SNTG1: variants seen among roughly 807,000 people sequenced by gnomAD.
SNTG1 encodes the protein gamma-1-syntrophin.
A neutral mutation model predicts 74.7 loss-of-function variants in SNTG1; 39 were observed. The observed-to-expected ratio is 0.52, with a 90% CI of 0.40 to 0.68. The LOEUF (loss-of-function observed/expected upper bound fraction) is 0.68. Ranked by LOEUF, SNTG1 falls within the 30% of genes least tolerant of loss-of-function variation. SNTG1 has a pLI of 0.00. For synonymous variants in SNTG1, 254 were observed against 217.1 expected, an observed-to-expected ratio of 1.17 and a Z score of -1.49; for missense variants, 685 against 609.5, an observed-to-expected ratio of 1.12 and a Z score of -1.30.
intron 2 of SNTG1, among the ~76,000 whole-genome samples, chr8:50,290,243 A>G (rs1163276467): frequency 6.6e-6 from 1 of 152,152 alleles, no homozygotes; most frequent in Non-Finnish European, 1.5e-5. Context: ...AGTTAATGTA[A>G]AAAACAAGCC....
At chr8:50,338,218 A>G (rs1412986273) in intron 2 of SNTG1, among the ~76,000 whole-genome samples, 1 of 152,172 alleles carries the variant, frequency 6.6e-6, no homozygotes, top group Non-Finnish European at 1.5e-5. Context: ...AAAGGGAGAC[A>G]AAAACAAGGA....
intron 1 of SNTG1, chr8:50,163,416 T>A (rs1251120337): frequency 1.4e-5 from 2 of 139,622 alleles, no homozygotes; most frequent in Non-Finnish European, 3.1e-5. Flanking sequence ...TAATTCCAAG[T>A]TTTTTTTTTT....
chr8:50,239,878 G>A (rs1031438836), intron 2 of SNTG1, among the ~76,000 whole-genome samples: 11 of 152,026 alleles, frequency 7.2e-5, no homozygotes, highest in African/African-American at 1.9e-4. Flanking sequence ...TCCAGACCTC[G>A]GTCTCAATTT....
chr8:50,473,282 G>A (rs575831103), intron 8 of SNTG1, among the ~76,000 whole-genome samples: 1 of 152,240 alleles, frequency 6.6e-6, no homozygotes, highest in Admixed American at 6.5e-5. Context: ...AAGATGCCTT[G>A]CTTCCCCTTC....
intron 1 of SNTG1, among the ~76,000 whole-genome samples, chr8:50,153,518 C>G (rs2082145929): frequency 6.6e-6 from 1 of 152,126 alleles, no homozygotes; most frequent in South Asian, 2.1e-4. Context: ...CTGTTTTTTC[C>G]CCATCTTTGT....
At chr8:50,308,079 G>A (rs1226107090) in intron 2 of SNTG1, among the ~76,000 whole-genome samples, 1 of 151,768 alleles carries the variant, frequency 6.6e-6, no homozygotes, top group Non-Finnish European at 1.5e-5. Context: ...ACTCACTCCA[G>A]TGATGCTGCA....
chr8:50,338,261 A>G (rs2091214469), intron 2 of SNTG1, among the ~76,000 whole-genome samples: 3 of 152,332 alleles, frequency 2.0e-5, no homozygotes, highest in Admixed American at 6.5e-5. Context: ...CGGCATCTAC[A>G]GCTGCAGCAA....
intron 15 of SNTG1, among the ~76,000 whole-genome samples, chr8:50,698,235 T>C (rs2095411709): frequency 1.3e-5 from 2 of 152,308 alleles, no homozygotes; most frequent in South Asian, 2.1e-4. Flanking sequence ...TTTGTGAGCA[T>C]ATAAGCATAA....
intron 9 of SNTG1, among the ~76,000 whole-genome samples, chr8:50,525,575 T>G (rs2094213384): frequency 1.3e-5 from 2 of 152,126 alleles, no homozygotes; most frequent in East Asian, 3.9e-4. Flanking sequence ...CTAATTTCCT[T>G]TTAGTCCTCA....
chr8:50,789,011 C>T (rs186393858), intron 18 of SNTG1, among the ~76,000 whole-genome samples: 44 of 152,092 alleles, frequency 2.9e-4, no homozygotes, highest in Non-Finnish European at 5.0e-4. Flanking sequence ...TTTCATAAAC[C>T]TTGGAAAAAC....
chr8:50,326,186 T>C (rs1201671852), intron 2 of SNTG1, among the ~76,000 whole-genome samples: 1 of 152,022 alleles, frequency 6.6e-6, no homozygotes, highest in Non-Finnish European at 1.5e-5. Flanking sequence ...TTATATTGTT[T>C]TTATATTAGT....
intron 15 of SNTG1, among the ~76,000 whole-genome samples, chr8:50,693,050 GC>G (rs1297715605): frequency 6.6e-6 from 1 of 152,208 alleles, no homozygotes; most frequent in African/African-American, 2.4e-5. Context: ...GACCCTCTGA[GC>G]CAGGTGCAGG....
At chr8:50,003,544 ATGT>A in intron 1 of SNTG1, among the ~76,000 whole-genome samples, 1 of 152,282 alleles carries the variant, frequency 6.6e-6, no homozygotes, top group South Asian at 2.1e-4. Flanking sequence ...TGCATTTTAA[ATGT>A]TGATGTAATT....
chr8:50,238,520 A>G (rs1050675681), intron 2 of SNTG1, among the ~76,000 whole-genome samples: 4 of 152,184 alleles, frequency 2.6e-5, no homozygotes, highest in African/African-American at 9.7e-5. Flanking sequence ...TAAATGTAAA[A>G]CCTAATACTA....
At chr8:50,660,841 C>T (rs2095219266) in intron 15 of SNTG1, among the ~76,000 whole-genome samples, 2 of 152,106 alleles carry the variant, frequency 1.3e-5, no homozygotes, top group African/African-American at 4.8e-5. Context: ...CTCTTTGTTA[C>T]AATTTTTGAC....
chr8:50,731,337 G>A (rs922206256), intron 17 of SNTG1, among the ~76,000 whole-genome samples: 3 of 152,102 alleles, frequency 2.0e-5, no homozygotes, highest in East Asian at 1.9e-4. Flanking sequence ...TTATCCTAGA[G>A]TGCATGAACT....
chr8:50,551,952 C>A (rs996685513), intron 11 of SNTG1, among the ~76,000 whole-genome samples: 3 of 152,120 alleles, frequency 2.0e-5, no homozygotes, highest in Non-Finnish European at 4.4e-5. Context: ...ACCAGTAGAC[C>A]TGAGCCAGAC....
intron 18 of SNTG1, among the ~76,000 whole-genome samples, chr8:50,772,210 AG>A (rs1429678256): frequency 5.3e-5 from 8 of 152,116 alleles, no homozygotes; most frequent in African/African-American, 1.7e-4. Context: ...TCAATCTATG[AG>A]GGCAGACACA....
intron 1 of SNTG1, among the ~76,000 whole-genome samples, chr8:49,958,644 C>T (rs1208359800): frequency 6.6e-6 from 1 of 152,182 alleles, no homozygotes; most frequent in East Asian, 1.9e-4. Context: ...TGGTCTTGAA[C>T]TGCTGACCTC....
Sources: allele counts gnomAD v4.1 joint callset (sites outside exome capture counted in the v4.1 genomes callset), GRCh38; gene constraint gnomAD v4.1.1; transcripts MANE v1.5; gene names NCBI Gene and HGNC (gene_info 2026-07-23, HGNC 2026-07-21).